Variants in LRRC8B observed in about 807,000 individuals in gnomAD.
The protein encoded by LRRC8B is leucine rich repeat containing 8 VRAC subunit B.
In LRRC8B, 23 loss-of-function variants were observed where a neutral mutation model predicts 58.8. The ratio of observed to expected loss-of-function variants is 0.39; its 90% CI spans 0.28 to 0.55. The LOEUF (loss-of-function observed/expected upper bound fraction) is 0.55, where lower values mean the gene tolerates loss of function less well. Among genes scored for constraint, LRRC8B ranks in the 20% least tolerant of loss-of-function variants. The pLI, the probability that LRRC8B is intolerant of heterozygous loss-of-function variation, is 0.62. For synonymous variants in LRRC8B, 359 were observed against 374.1 expected, an observed-to-expected ratio of 0.96 and a Z score of 0.47; for missense variants, 694 against 936.0, an observed-to-expected ratio of 0.74 and a Z score of 3.37.
intron 5 of LRRC8B, among the ~76,000 whole-genome samples, chr1:89,590,837 T>C (rs1417716469): frequency 6.6e-6 from 1 of 152,256 alleles, no homozygotes; most frequent in Non-Finnish European, 1.5e-5. Context: ...AATCGTTTCA[T>C]GTTTCTCTCT....
At chr1:89,570,996 G>A (rs1440755389) in intron 3 of LRRC8B, among the ~76,000 whole-genome samples, 1 of 152,020 alleles carries the variant, frequency 6.6e-6, no homozygotes, top group Non-Finnish European at 1.5e-5. Flanking sequence ...GCTTGTTTCT[G>A]TGTTGTTGAA....
At chr1:89,537,040 G>A (rs1157837478) in intron 1 of LRRC8B, among the ~76,000 whole-genome samples, 1 of 152,132 alleles carries the variant, frequency 6.6e-6, no homozygotes, top group Admixed American at 6.5e-5. Context: ...CTAAGATTGA[G>A]AAAGGCAAAG....
intron 5 of LRRC8B, among the ~76,000 whole-genome samples, chr1:89,585,754 G>A (rs1327379351): frequency 2.0e-5 from 3 of 151,938 alleles, no homozygotes; most frequent in East Asian, 1.9e-4. Flanking sequence ...GTTGCAGTGA[G>A]CCGAGATTCC....
intron 1 of LRRC8B, among the ~76,000 whole-genome samples, chr1:89,551,942 A>C (rs1408519612): frequency 6.6e-6 from 1 of 152,222 alleles, no homozygotes; most frequent in African/African-American, 2.4e-5. Context: ...ATATATTTAT[A>C]TACATGCATG....
At chr1:89,552,115 T>C (rs1487803555) in intron 1 of LRRC8B, among the ~76,000 whole-genome samples, 2 of 152,212 alleles carry the variant, frequency 1.3e-5, no homozygotes, top group Non-Finnish European at 1.5e-5. Flanking sequence ...AGGGGCTACC[T>C]GATCACTTGC....
chr1:89,582,250 A>AAAG lies in LRRC8B; in HGVS notation c.-26-373_-26-372insGAA, dbSNP rs1168619731. Reference sequence around the variant, plus strand: ...AGAAAAAAAGAAAGAAAGAAAGAAAAAAATATTAGTAGCATAGGAACAAGT... The same window carrying AAAG: ...AGAAAAAAAGAAAGAAAGAAAGAAAAAAGAAATATTAGTAGCATAGGAACAAGT... On this transcript the variant is annotated intron_variant, in intron 4 of 5. Coordinates refer to ENST00000330947, the MANE Select transcript of LRRC8B (RefSeq NM_001369817.2). 1.4e-3 allele frequency among the ~76,000 whole-genome samples: 187 copies of AAAG among 134,214 alleles called. 1 individual carries two copies. Among genetic ancestry groups the AAAG allele is most frequent in the Non-Finnish European group, 2.9e-4 (17 of 58,494 alleles). 88.0% of individuals were successfully genotyped at this position (134,214 alleles called of 152,430 possible). A position where few individuals can be genotyped will look rare whatever the true frequency, so the allele number is the denominator to read the frequency against.
At chr1:89,546,110 A>C (rs550789949) in intron 1 of LRRC8B, among the ~76,000 whole-genome samples, 1 of 152,174 alleles carries the variant, frequency 6.6e-6, no homozygotes, top group Non-Finnish European at 1.5e-5. Context: ...TTTTTGAACA[A>C]TAGGTTAGGC....
intron 1 of LRRC8B, among the ~76,000 whole-genome samples, chr1:89,565,488 C>T (rs1169537560): frequency 6.6e-6 from 1 of 152,198 alleles, no homozygotes; most frequent in African/African-American, 2.4e-5. Flanking sequence ...TTTCTCCTTT[C>T]TCCCTGAAGG....
intron 1 of LRRC8B, among the ~76,000 whole-genome samples, chr1:89,525,844 T>G (rs1182678558): frequency 2.6e-5 from 4 of 152,146 alleles, no homozygotes; most frequent in Non-Finnish European, 4.4e-5. Flanking sequence ...ATAAATTCAC[T>G]TCGCCTAAAG....
chr1:89,571,936 C>T (rs1390169772), intron 3 of LRRC8B, among the ~76,000 whole-genome samples: 1 of 152,048 alleles, frequency 6.6e-6, no homozygotes, highest in Non-Finnish European at 1.5e-5. Context: ...TGATTCAGTG[C>T]TGAGTTTAGG....
chr1:89,528,155 G>A (rs1649839659), intron 1 of LRRC8B, among the ~76,000 whole-genome samples: 1 of 151,860 alleles, frequency 6.6e-6, no homozygotes, highest in Non-Finnish European at 1.5e-5. Context: ...CTGTCATCCT[G>A]TGACCATTTC....
At chr1:89,548,215 G>C (rs1369882573) in intron 1 of LRRC8B, among the ~76,000 whole-genome samples, 2 of 152,154 alleles carry the variant, frequency 1.3e-5, no homozygotes, top group Non-Finnish European at 2.9e-5. Flanking sequence ...AAATGGAAAA[G>C]CTATAGCATG....
intron 1 of LRRC8B, among the ~76,000 whole-genome samples, chr1:89,533,172 G>T (rs1345928056): frequency 2.0e-5 from 3 of 152,196 alleles, no homozygotes; most frequent in African/African-American, 7.2e-5. Context: ...ACTGCAGAAA[G>T]TAATCTTTCT....
At chr1:89,553,645 A>G (rs1277261874) in intron 1 of LRRC8B, among the ~76,000 whole-genome samples, 1 of 152,254 alleles carries the variant, frequency 6.6e-6, no homozygotes, top group Non-Finnish European at 1.5e-5. Flanking sequence ...GAATTTCAGG[A>G]AACGTCTGCT....
In LRRC8B at chr1:89,559,627, T is replaced by TAC. The variant is rs1197545100; in HGVS notation, c.-240-8619_-240-8618insCA. Among the ~76,000 whole-genome samples the TAC allele has an allele frequency of 3.4e-4, 46 of 137,312 alleles. 1 individual carries two copies. Among genetic ancestry groups the TAC allele is most frequent in the South Asian group, 4.5e-4 (2 of 4,490 alleles). The allele number at this position is 137,312 out of a possible 152,430, so 90.1% of individuals were successfully genotyped here. A position where few individuals can be genotyped will look rare whatever the true frequency, so the allele number is the denominator to read the frequency against. Reference sequence around the variant, plus strand: ...TCAAAAAAAAAAAAATATATATATATATACACACACACACACACACACACA... The same window carrying TAC: ...TCAAAAAAAAAAAAATATATATATATACATACACACACACACACACACACACA... On this transcript the variant is annotated intron_variant, in intron 1 of 5. Transcript: ENST00000330947.
chr1:89,586,263 AT>A (rs1281499677), intron 5 of LRRC8B, among the ~76,000 whole-genome samples: 31 of 152,346 alleles, frequency 2.0e-4, no homozygotes, highest in Admixed American at 2.0e-3. Context: ...GGAGCTGATG[AT>A]GCTGGCCTAG....
chr1:89,586,000 A>C (rs1462436246), intron 5 of LRRC8B, among the ~76,000 whole-genome samples: 1 of 152,178 alleles, frequency 6.6e-6, no homozygotes, highest in African/African-American at 2.4e-5. Context: ...ATTCATGCTG[A>C]TTTTTAGAAC....
chr1:89,583,004 A>G lies in LRRC8B; in HGVS notation c.354A>G (p.Ala118=). ...ACGAGAAACAGCTCCATTGGTTTGC[A>G]AAGTTTTTCCCCTATCTGGTGCTCT... ...VCYEKQLHWF[A]KFFPYLVLLH... is the part of the protein sequence containing the mutation. Residue 118 remains alanine (A), a synonymous_variant, in exon 5 of 6, where the codon GCA becomes GCG. Transcript: ENST00000330947. The surrounding 1 kb of genome is among the most constrained non-coding windows in gnomAD (Gnocchi z 5.2). 6.2e-7 allele frequency: 1 copy of G among 1,614,142 alleles called. No individual in the cohort carries two copies. The highest frequency in any genetic ancestry group is 8.5e-7 in the Non-Finnish European group (1 of 1,180,022).
chr1:89,582,587 C>A, intron 4 of LRRC8B, 38 bp from the exon 5 acceptor site: 1 of 1,191,516 alleles, frequency 8.4e-7, no homozygotes, highest in African/African-American at 1.5e-5. Flanking sequence ...TATTTGAGTA[C>A]TTGCTTCAGT....
Sources: gnomAD v4.1 joint callset for allele counts (sites outside exome capture counted in the v4.1 genomes callset) on GRCh38, gnomAD v4.1.1 for gene constraint, Gnocchi (gnomAD v3.1) non-coding constraint, MANE v1.5 for transcripts, NCBI Gene and HGNC (gene_info 2026-07-23, HGNC 2026-07-21) for gene names.